The following CADM2 variants were observed in gnomAD, a reference collection of about 807,000 sequenced individuals.
CADM2 encodes immunoglobulin superfamily member 4D.
In CADM2, 12 loss-of-function variants were observed where a neutral mutation model predicts 49.8. The ratio of observed to expected loss-of-function variants is 0.24; its 90% confidence interval spans 0.15 to 0.39. The LOEUF (loss-of-function observed/expected upper bound fraction) is 0.39, where lower values mean the gene tolerates loss of function less well. CADM2 is among the 10% of genes least tolerant of loss of function. CADM2 has a pLI of 1.00. For missense variants in CADM2, 378 were observed against 492.3 expected (o/e 0.77, Z 2.20); for synonymous variants, 214 against 175.4 (o/e 1.22, Z -1.74).
At chr3:85,038,625 G>T (rs937840582) in intron 1 of CADM2, among the ~76,000 whole-genome samples, 14 of 152,250 alleles carry the variant, frequency 9.2e-5, no homozygotes, top group Admixed American at 7.2e-4. Flanking sequence ...ATACATTCCT[G>T]AACTCAATCT....
At chr3:85,211,689 C>T (rs1015117447) in intron 1 of CADM2, among the ~76,000 whole-genome samples, 1 of 152,008 alleles carries the variant, frequency 6.6e-6, no homozygotes, top group African/African-American at 2.4e-5. Flanking sequence ...ACTCGTTTTG[C>T]AGCTTAGCAT....
At chr3:85,355,553 G>A (rs1324519285) in intron 1 of CADM2, among the ~76,000 whole-genome samples, 2 of 152,104 alleles carry the variant, frequency 1.3e-5, no homozygotes, top group African/African-American at 2.4e-5. Flanking sequence ...TATTTAACAA[G>A]AATTCATGGG....
At chr3:84,980,437 C>T (rs191631189) in intron 1 of CADM2, among the ~76,000 whole-genome samples, 17 of 152,186 alleles carry the variant, frequency 1.1e-4, no homozygotes, top group Admixed American at 3.3e-4. Flanking sequence ...TTTCCACATG[C>T]GCATGTTCTC....
intron 2 of CADM2, among the ~76,000 whole-genome samples, chr3:85,790,339 T>C (rs1034282674): frequency 6.6e-6 from 1 of 152,216 alleles, no homozygotes; most frequent in African/African-American, 2.4e-5. Flanking sequence ...AGTTCTGGTA[T>C]AATGTTATGT....
At chr3:85,864,108 A>G (rs2075637045) in intron 3 of CADM2, among the ~76,000 whole-genome samples, 1 of 152,214 alleles carries the variant, frequency 6.6e-6, no homozygotes, top group South Asian at 2.1e-4. Flanking sequence ...CATGAAAAGT[A>G]AAACCACCAG....
chr3:85,211,401 T>G (rs2041775880), intron 1 of CADM2, among the ~76,000 whole-genome samples: 1 of 152,112 alleles, frequency 6.6e-6, no homozygotes, highest in Non-Finnish European at 1.5e-5. Flanking sequence ...TTGAAGTTTT[T>G]CTATTTTTTT....
intron 1 of CADM2, among the ~76,000 whole-genome samples, chr3:85,183,370 ATAT>A (rs978807730): frequency 1.3e-5 from 2 of 152,170 alleles, no homozygotes; most frequent in Non-Finnish European, 2.9e-5. Flanking sequence ...TGATCCTGAA[ATAT>A]TATCCTATAA....
intron 1 of CADM2, among the ~76,000 whole-genome samples, chr3:85,711,746 A>G (rs547536442): frequency 6.6e-6 from 1 of 152,314 alleles, no homozygotes; most frequent in Admixed American, 6.5e-5. Context: ...AATTTATGAA[A>G]CAAAAATAAA....
intron 8 of CADM2, among the ~76,000 whole-genome samples, chr3:86,020,606 G>A (rs1368610048): frequency 2.0e-5 from 3 of 151,674 alleles, no homozygotes; most frequent in Middle Eastern, 3.4e-3. Context: ...CTGGCAAAAC[G>A]AATCCAGCAG....
intron 1 of CADM2, among the ~76,000 whole-genome samples, chr3:85,478,172 A>C (rs1333679875): frequency 1.3e-5 from 2 of 151,918 alleles, no homozygotes; most frequent in Non-Finnish European, 2.9e-5. Flanking sequence ...AGGCTTTCCC[A>C]CAGCATAATA....
At chr3:85,945,870 A>G (rs1320387322) in intron 7 of CADM2, among the ~76,000 whole-genome samples, 1 of 152,052 alleles carries the variant, frequency 6.6e-6, no homozygotes, top group Admixed American at 6.6e-5. Context: ...AACTGGCACA[A>G]GACAGGGATG....
intron 1 of CADM2, among the ~76,000 whole-genome samples, chr3:85,024,195 A>G (rs1283914742): frequency 6.6e-6 from 1 of 152,254 alleles, no homozygotes; most frequent in Non-Finnish European, 1.5e-5. Flanking sequence ...TCAGCCATCA[A>G]AGGAAAAATG....
intron 8 of CADM2, among the ~76,000 whole-genome samples, chr3:86,064,785 CT>C (rs1349742222): frequency 3.9e-5 from 6 of 152,268 alleles, no homozygotes; most frequent in South Asian, 4.1e-4. Flanking sequence ...CTTTTCTGGG[CT>C]GATTTCTTGC....
intron 1 of CADM2, among the ~76,000 whole-genome samples, chr3:85,300,751 A>T (rs2044077090): frequency 6.6e-6 from 1 of 152,136 alleles, no homozygotes; most frequent in African/African-American, 2.4e-5. Context: ...ATATGCTAGA[A>T]TGTACACAGA....
intron 1 of CADM2, among the ~76,000 whole-genome samples, chr3:85,351,977 A>G (rs982393479): frequency 6.6e-6 from 1 of 151,996 alleles, no homozygotes; most frequent in Non-Finnish European, 1.5e-5. Context: ...AGATATCCAT[A>G]TATATATAAT....
intron 1 of CADM2, among the ~76,000 whole-genome samples, chr3:84,997,772 CCAAGA>C (rs2033255257): frequency 6.6e-6 from 1 of 151,932 alleles, no homozygotes; most frequent in African/African-American, 2.4e-5. Context: ...ACATGGTTAT[CCAAGA>C]TAAGAATGAA....
At chr3:85,293,114 T>C (rs560807699) in intron 1 of CADM2, among the ~76,000 whole-genome samples, 10,052 of 152,114 alleles carry the variant, frequency 0.066, 1,086 homozygotes, top group African/African-American at 0.23. Context: ...ATATCATCAC[T>C]GATCCCACAG....
Position 85,471,723 on chromosome 3 carries a change from A to ATTTTATTTTATTTTATTTTG in CADM2, c.62-254797_62-254796insTTATTTTATTTTATTTTGTT, listed in dbSNP as rs1553727402. Among the ~76,000 whole-genome samples, 7 of 150,752 alleles carry ATTTTATTTTATTTTATTTTG rather than the reference A, an allele frequency of 4.6e-5. No individual in the cohort carries two copies. In the East Asian group the frequency reaches 1.4e-3, roughly 29 times the overall value. On this transcript the variant is annotated intron_variant, in intron 1 of 9. Transcript: ENST00000383699. ...ATTTTATTTTATTTTATTTTATTTT[A>ATTTTATTTTATTTTATTTTG]TTATACTTTAAGTTCTGGGGTACAT...
At chr3:85,606,921 G>A (rs1258791433) in intron 1 of CADM2, among the ~76,000 whole-genome samples, 6 of 151,980 alleles carry the variant, frequency 3.9e-5, no homozygotes, top group Non-Finnish European at 7.4e-5. Context: ...CAAATTATTA[G>A]CAGTGTGAAA....
Sources: gnomAD v4.1 joint callset for allele counts (sites outside exome capture counted in the v4.1 genomes callset) on GRCh38, gnomAD v4.1.1 for gene constraint, MANE v1.5 for transcripts, NCBI Gene and HGNC (gene_info 2026-07-23, HGNC 2026-07-21) for gene names.